CMTR1: variants seen among roughly 807,000 people sequenced by gnomAD.
The protein encoded by CMTR1 is cap-specific mRNA (nucleoside-2'-O-)-methyltransferase 1.
Under a neutral mutation model 107.0 loss-of-function variants are expected in CMTR1, and 39 were observed. That is an observed-to-expected ratio of 0.36 (90% CI 0.28 to 0.48). The LOEUF (loss-of-function observed/expected upper bound fraction) is 0.48. CMTR1 is among the 20% of genes least tolerant of loss of function. The pLI is 0.99. For missense variants in CMTR1, 672 were observed against 1,064.9 expected (o/e 0.63, Z 5.14); for synonymous variants, 366 against 379.5 (o/e 0.96, Z 0.41).
chr6:37,479,958 A>T (rs1405321330), intron 23 of CMTR1, 55 bp from the exon 24 acceptor site: 1 of 1,448,556 alleles, frequency 6.9e-7, no homozygotes, highest in African/African-American at 1.5e-5. Flanking sequence ...AGAACACATG[A>T]CCCTGTGCCA....
intron 8 of CMTR1, among the ~76,000 whole-genome samples, chr6:37,456,471 T>C (rs1257435425): frequency 3.3e-5 from 5 of 152,226 alleles, no homozygotes; most frequent in Non-Finnish European, 5.9e-5. Flanking sequence ...CAGAGACTTT[T>C]TCACTATTTT....
At chr6:37,448,098 C>G (rs914919093) in intron 4 of CMTR1, among the ~76,000 whole-genome samples, 1 of 150,444 alleles carries the variant, frequency 6.6e-6, no homozygotes, top group Non-Finnish European at 1.5e-5. Context: ...GTAGTCCCAG[C>G]TACTCGGGAG....
At chr6:37,460,057 T>A (rs1207552690) in intron 10 of CMTR1, among the ~76,000 whole-genome samples, 1 of 152,198 alleles carries the variant, frequency 6.6e-6, no homozygotes, top group Non-Finnish European at 1.5e-5. Flanking sequence ...AGGCCTTGTC[T>A]ATGGGCAGCT....
Position 37,453,225 on chromosome 6 carries a change from C to T in CMTR1, c.705-15C>T, listed in dbSNP as rs375865029. On this transcript the variant is annotated splice_polypyrimidine_tract_variant and intron_variant, in intron 7 of 23. Coordinates refer to ENST00000373451, the MANE Select transcript of CMTR1 (RefSeq NM_015050.3). ...CCTAGTACATCTAGTACTTTTCTGT[C>T]TTGCTTTATTGCAGGGCAGCAATGA... The T allele has an allele frequency of 6.2e-6, 10 of 1,613,996 alleles. No individual in the cohort carries two copies. The highest frequency in any genetic ancestry group is 8.5e-6 in the Non-Finnish European group (10 of 1,179,972).
intron 13 of CMTR1, among the ~76,000 whole-genome samples, chr6:37,463,996 C>A (rs567318834): frequency 6.6e-5 from 10 of 152,288 alleles, no homozygotes; most frequent in South Asian, 6.2e-4. Context: ...AGATGCATGG[C>A]AGAACTGGAA....
chr6:37,472,367 T>G lies in CMTR1; in HGVS notation c.1621-52T>G. The G allele has an allele frequency of 2.6e-6, 4 of 1,549,692 alleles. No individual in the cohort carries two copies. In the South Asian group the frequency reaches 3.3e-5, roughly 13 times the overall value. ...TCCACCTGCATATACTCATACACGG[T>G]CTTGGTCAAAAGGGCATTTGAAAGT... On this transcript the variant is annotated intron_variant, in intron 15 of 23. Transcript: ENST00000373451. The surrounding 1 kb of genome is among the most constrained non-coding windows in gnomAD (Gnocchi z 4.1).
intron 13 of CMTR1, 110 bp from the exon 14 acceptor site, chr6:37,470,911 T>A: frequency 3.8e-6 from 3 of 796,118 alleles, no homozygotes; most frequent in Non-Finnish European, 5.8e-6. Context: ...ACTCTCCAGC[T>A]CCTTCACCAA....
chr6:37,458,478 G>A lies in CMTR1; in HGVS notation c.778-134G>A, dbSNP rs542229523. On this transcript the variant is annotated intron_variant, in intron 8 of 23. Transcript: ENST00000373451. This position sits in a 1 kb window ranked among gnomAD's most constrained non-coding sequence, Gnocchi z 4.7. ...AATCACCAGAAGATACATTTCCTGGGTGCTGTAGCTCTGGTGGGAGCTCTG... is the reference window on the plus strand; with the variant it reads ...AATCACCAGAAGATACATTTCCTGGATGCTGTAGCTCTGGTGGGAGCTCTG... The A allele has an allele frequency of 1.3e-5, 10 of 764,172 alleles. No individual in the cohort carries two copies. In the African/African-American group the frequency reaches 1.8e-4, roughly 13 times the overall value. 47.3% of individuals were successfully genotyped at this position (764,172 alleles called of 1,614,324 possible). A position where few individuals can be genotyped will look rare whatever the true frequency, so the allele number is the denominator to read the frequency against.
intron 22 of CMTR1, 125 bp downstream of exon 22, chr6:37,478,646 G>A (rs1761792227): frequency 1.4e-6 from 1 of 732,602 alleles, no homozygotes; most frequent in African/African-American, 1.8e-5. Flanking sequence ...CAGCCAGGCT[G>A]GCATTTCTCT....
chr6:37,449,261 A>G (rs1231928137), intron 4 of CMTR1, among the ~76,000 whole-genome samples: 2 of 121,292 alleles, frequency 1.6e-5, no homozygotes, highest in East Asian at 2.4e-4. Flanking sequence ...CATCAGTACT[A>G]TTTTATGTTT....
At chr6:37,444,871 A>G (rs1476521382) in intron 3 of CMTR1, among the ~76,000 whole-genome samples, 3 of 152,078 alleles carry the variant, frequency 2.0e-5, no homozygotes, top group Non-Finnish European at 4.4e-5. Context: ...CTAAAAATAC[A>G]AAAAATTATC....
At chr6:37,461,028 G>T (rs1019516588) in intron 10 of CMTR1, among the ~76,000 whole-genome samples, 13 of 152,204 alleles carry the variant, frequency 8.5e-5, no homozygotes, top group African/African-American at 3.1e-4. Context: ...GGACAGGAAA[G>T]GGGGTATTGT....
chr6:37,456,417 G>C (rs748324107), intron 8 of CMTR1, among the ~76,000 whole-genome samples: 1 of 152,220 alleles, frequency 6.6e-6, no homozygotes, highest in Non-Finnish European at 1.5e-5. Flanking sequence ...GAGTGGGCTT[G>C]TCACGGGATG....
intron 13 of CMTR1, among the ~76,000 whole-genome samples, chr6:37,463,732 G>T (rs1761447647): frequency 6.6e-6 from 1 of 152,140 alleles, no homozygotes; most frequent in African/African-American, 2.4e-5. Context: ...TGGCCCTGGA[G>T]AATCATAGAA....
In CMTR1 at chr6:37,481,133, G is replaced by A; in HGVS notation, c.*988G>A. ...TCTTCCCTAATAGGAGGTACAATCT[G>A]CTTTTGTTTGTCGTTAAGTGGTCAC... On this transcript the variant is annotated 3_prime_UTR_variant, in exon 24 of 24. Transcript: ENST00000373451. 7.7e-7 allele frequency: 1 copy of A among 1,303,890 alleles called. No individual in the cohort carries two copies. The highest frequency in any genetic ancestry group is 1.2e-5 in the South Asian group (1 of 81,012). The allele number at this position is 1,303,890 out of a possible 1,614,324, so 80.8% of individuals were successfully genotyped here.
chr6:37,447,578 AGGCCGGGCAT>A (rs1771823343), intron 4 of CMTR1, among the ~76,000 whole-genome samples: 2 of 152,186 alleles, frequency 1.3e-5, no homozygotes, highest in Non-Finnish European at 2.9e-5. Flanking sequence ...ATCACCCTAT[AGGCCGGGCAT>A]GGTGGCTTAC....
At chr6:37,432,162 G>C (rs1488576944), upstream of CMTR1, among the ~76,000 whole-genome samples, 1 of 152,158 alleles carries the variant, frequency 6.6e-6, no homozygotes, top group Non-Finnish European at 1.5e-5. Flanking sequence ...AGCATGGGGA[G>C]AACTAAGGGA....
At chr6:37,467,480 T>C (rs1761532051) in intron 13 of CMTR1, among the ~76,000 whole-genome samples, 1 of 152,202 alleles carries the variant, frequency 6.6e-6, no homozygotes, top group African/African-American at 2.4e-5. Flanking sequence ...TTTGGTCAAG[T>C]TGGTTCATAG....
At chr6:37,475,177 A>C (rs1210023632) in intron 18 of CMTR1, 144 bp from the exon 19 acceptor site, 2 of 678,712 alleles carry the variant, frequency 2.9e-6, no homozygotes, top group Non-Finnish European at 5.3e-6. Flanking sequence ...AGCAGCTGGG[A>C]GGGAGACAAG....
Sources: gnomAD v4.1 joint callset for allele counts (sites outside exome capture counted in the v4.1 genomes callset) on GRCh38, gnomAD v4.1.1 for gene constraint, Gnocchi (gnomAD v3.1) non-coding constraint, MANE v1.5 for transcripts, NCBI Gene and HGNC (gene_info 2026-07-23, HGNC 2026-07-21) for gene names.